NOL10: variants seen among roughly 807,000 people sequenced by gnomAD.
The protein encoded by NOL10 is H_NH0074G24.1.
NOL10 carries 58 observed loss-of-function variants against 103.5 expected under a neutral mutation model. The ratio of observed to expected loss-of-function variants is 0.56; its 90% CI spans 0.45 to 0.70. The LOEUF (loss-of-function observed/expected upper bound fraction) is 0.70. Ranked by LOEUF, NOL10 falls within the 30% of genes least tolerant of loss-of-function variation. NOL10 has a pLI of 0.00. For missense variants in NOL10, 763 were observed against 807.3 expected, an observed-to-expected ratio of 0.95 and a Z score of 0.67; for synonymous variants, 287 against 282.5, an observed-to-expected ratio of 1.02 and a Z score of -0.16.
At position 10,589,767 on chromosome 2, in the gene NOL10, A is replaced by G. The variant is rs1365029517; in HGVS notation, c.1423-16T>C. 2.8e-6 allele frequency: 4 copies of G among 1,440,808 alleles called. No individual in the cohort carries two copies. The African/African-American group carries it at 4.4e-5, about 16-fold the overall frequency. The allele number at this position is 1,440,808 out of a possible 1,614,324, so 89.3% of individuals were successfully genotyped here. ...TAGGAAGACTCTACAAGGAGGAAAA[A>G]GTACGTAAAAATTTAAGTTAATATC... On this transcript the variant is annotated splice_polypyrimidine_tract_variant and intron_variant, in intron 17 of 20. Coordinates refer to ENST00000381685, the MANE Select transcript of NOL10 (RefSeq NM_024894.4).
At chr2:10,672,178 T>C (rs1680992691) in intron 5 of NOL10, among the ~76,000 whole-genome samples, 1 of 151,760 alleles carries the variant, frequency 6.6e-6, no homozygotes, top group Non-Finnish European at 1.5e-5. Context: ...AAACACAAAA[T>C]TAGCTGGGCA....
At chr2:10,619,448 T>C (rs1427720056) in intron 13 of NOL10, among the ~76,000 whole-genome samples, 1 of 152,236 alleles carries the variant, frequency 6.6e-6, no homozygotes, top group Admixed American at 6.5e-5. Flanking sequence ...CCACCGTACC[T>C]GGCCAAACCA....
intron 8 of NOL10, among the ~76,000 whole-genome samples, chr2:10,665,904 T>G (rs115468767): frequency 0.033 from 5,021 of 152,310 alleles, 288 homozygotes; most frequent in African/African-American, 0.12. Flanking sequence ...ACTTCTTTGT[T>G]AGACTCTGGG....
Position 10,662,965 on chromosome 2 carries a change from T to C in NOL10, c.671A>G (p.Asp224Gly), listed in dbSNP as rs150015438. The change falls in exon 9 of 21, where the codon GAT (aspartate) becomes GGT (glycine). Residue 224 changes from aspartate to glycine, a missense_variant. Coordinates refer to ENST00000381685, the MANE Select transcript of NOL10 (RefSeq NM_024894.4). ...LDCALNSVTA[D>G]SEINSLPTIS... ...CAAATTAATTTCTACTTACTCTGAA[T>C]CTGCTGTGACACTGTTTAAGGCGCA... The C allele has an allele frequency of 9.7e-5, 157 of 1,612,686 alleles. No individual in the cohort carries two copies. The East Asian group carries it at 3.3e-3, about 34-fold the overall frequency.
intron 20 of NOL10, among the ~76,000 whole-genome samples, chr2:10,574,610 G>A (rs966526609): frequency 9.8e-5 from 14 of 143,126 alleles, no homozygotes; most frequent in Admixed American, 8.0e-4. Flanking sequence ...TGGTGCCACT[G>A]CACTCCAGCC....
intron 12 of NOL10, among the ~76,000 whole-genome samples, chr2:10,651,290 G>A (rs1327872296): frequency 1.3e-5 from 2 of 152,108 alleles, no homozygotes; most frequent in African/African-American, 4.8e-5. Context: ...ACTGGGCCAG[G>A]CACAAGCACT....
At chr2:10,638,296 A>G (rs1678412053) in intron 13 of NOL10, among the ~76,000 whole-genome samples, 1 of 94,808 alleles carries the variant, frequency 1.1e-5, no homozygotes, top group Non-Finnish European at 2.2e-5. Context: ...TTCAAAAATA[A>G]CGTAACGTGA....
At chr2:10,665,219 A>C (rs1475638144) in intron 8 of NOL10, among the ~76,000 whole-genome samples, 1 of 152,228 alleles carries the variant, frequency 6.6e-6, no homozygotes, top group Admixed American at 6.5e-5. Flanking sequence ...AAATGAGTTA[A>C]TAAATTTTAT....
chr2:10,653,477 C>A (rs1679623120), intron 12 of NOL10, among the ~76,000 whole-genome samples: 1 of 152,154 alleles, frequency 6.6e-6, no homozygotes, highest in Non-Finnish European at 1.5e-5. Context: ...ACCAATCTAC[C>A]CTTTGCACAG....
At chr2:10,641,644 T>C (rs768500084) in intron 13 of NOL10, among the ~76,000 whole-genome samples, 2 of 152,208 alleles carry the variant, frequency 1.3e-5, no homozygotes, top group Admixed American at 6.5e-5. Flanking sequence ...CAGAATGACA[T>C]AGTTATCTGC....
At chr2:10,678,597 T>C (rs1400829354) in intron 3 of NOL10, among the ~76,000 whole-genome samples, 1 of 152,140 alleles carries the variant, frequency 6.6e-6, no homozygotes, top group East Asian at 1.9e-4. Context: ...ATCAATACTT[T>C]GCACATCCCC....
At chr2:10,614,268 G>A (rs1676721956) in intron 13 of NOL10, among the ~76,000 whole-genome samples, 1 of 151,894 alleles carries the variant, frequency 6.6e-6, no homozygotes, top group African/African-American at 2.4e-5. Context: ...CCCGCTATTA[G>A]AATTTAAATC....
chr2:10,677,016 G>A (rs1243272803), intron 3 of NOL10, among the ~76,000 whole-genome samples: 3 of 151,114 alleles, frequency 2.0e-5, no homozygotes, highest in African/African-American at 7.3e-5. Context: ...TCAGCTCACT[G>A]CAACCTCTGC....
At chr2:10,605,691 C>CT (rs145628709) in intron 14 of NOL10, among the ~76,000 whole-genome samples, 5,026 of 151,952 alleles carry the variant, frequency 0.033, 288 homozygotes, top group African/African-American at 0.12. Flanking sequence ...GAACAATGAC[C>CT]TTTTTTCATT....
chr2:10,687,445 G>C (rs1040625977), intron 1 of NOL10, among the ~76,000 whole-genome samples: 16 of 152,076 alleles, frequency 1.1e-4, no homozygotes, highest in African/African-American at 3.9e-4. Flanking sequence ...TTTCTTCTTT[G>C]CTGGGTTCCC....
At chr2:10,575,673 G>C (rs1572218280) in intron 20 of NOL10, among the ~76,000 whole-genome samples, 1 of 152,114 alleles carries the variant, frequency 6.6e-6, no homozygotes, top group Non-Finnish European at 1.5e-5. Flanking sequence ...GTGGGAAAAG[G>C]CTTGTATTTT....
intron 13 of NOL10, among the ~76,000 whole-genome samples, chr2:10,627,713 C>T (rs1289058965): frequency 6.7e-6 from 1 of 149,472 alleles, no homozygotes; most frequent in African/African-American, 2.5e-5. Flanking sequence ...AAAAAACAAA[C>T]AACAACAACA....
chr2:10,610,941 T>C (rs753588755), intron 13 of NOL10, among the ~76,000 whole-genome samples: 4 of 152,232 alleles, frequency 2.6e-5, no homozygotes, highest in African/African-American at 7.2e-5. Context: ...AGTCATACCA[T>C]GTTGCCCATG....
At chr2:10,645,528 CTATCT>C (rs1369073155) in intron 12 of NOL10, among the ~76,000 whole-genome samples, 1 of 139,950 alleles carries the variant, frequency 7.1e-6, no homozygotes, top group Non-Finnish European at 1.5e-5. Flanking sequence ...GAACTCAATA[CTATCT>C]TTTTTTTTTT....
Sources: allele counts gnomAD v4.1 joint callset (sites outside exome capture counted in the v4.1 genomes callset), GRCh38; gene constraint gnomAD v4.1.1; transcripts MANE v1.5; gene names NCBI Gene and HGNC (gene_info 2026-07-23, HGNC 2026-07-21).